Variants in TENM3 observed in about 807,000 individuals in gnomAD.
TENM3 encodes the protein teneurin transmembrane protein 3.
TENM3 carries 63 observed loss-of-function variants against 255.1 expected under a neutral mutation model. The ratio of observed to expected loss-of-function variants is 0.25; its 90% confidence interval spans 0.20 to 0.30. The LOEUF (loss-of-function observed/expected upper bound fraction) is 0.30, where lower values mean the gene tolerates loss of function less well. Among genes scored for constraint, TENM3 ranks in the 10% least tolerant of loss-of-function variants. The pLI is 1.00. For synonymous variants in TENM3, 1,306 were observed against 1,322.3 expected (o/e 0.99, Z 0.27); for missense variants, 2,929 against 3,461.1 (o/e 0.85, Z 3.86).
intron 1 of TENM3, among the ~76,000 whole-genome samples, chr4:182,272,110 T>C (rs1024629547): frequency 1.3e-5 from 2 of 152,202 alleles, no homozygotes; most frequent in Non-Finnish European, 2.9e-5. Context: ...TCCACCTACA[T>C]GAGTTCGAGG....
At chr4:182,334,767 T>C (rs145919664) in intron 2 of TENM3, among the ~76,000 whole-genome samples, 307 of 152,326 alleles carry the variant, frequency 2.0e-3, no homozygotes, top group Non-Finnish European at 3.0e-3. Context: ...ATTGGACCCA[T>C]ATCTCTCAGC....
chr4:182,482,654 A>G (rs1243047562), intron 3 of TENM3, among the ~76,000 whole-genome samples: 1 of 152,246 alleles, frequency 6.6e-6, no homozygotes, highest in Non-Finnish European at 1.5e-5. Context: ...ATGTCTACAC[A>G]TAGGCATTGT....
the TENM3 span, among the ~76,000 whole-genome samples, chr4:181,905,145 T>G: frequency 5.3e-5 from 8 of 152,218 alleles, no homozygotes; most frequent in Non-Finnish European, 2.9e-5. Context: ...CTAATACAGA[T>G]AGTACATGCT....
At chr4:181,845,234 CAGG>C in the TENM3 span, among the ~76,000 whole-genome samples, 1 of 151,978 alleles carries the variant, frequency 6.6e-6, no homozygotes, top group Admixed American at 6.6e-5. Flanking sequence ...AATATTTTAA[CAGG>C]AGTATTTGAT....
At chr4:182,454,667 G>A (rs62337162) in intron 3 of TENM3, among the ~76,000 whole-genome samples, 2,906 of 152,206 alleles carry the variant, frequency 0.019, 42 homozygotes, top group Middle Eastern at 0.048. Flanking sequence ...CTTCCATTAC[G>A]AAATTAAAAC....
At chr4:181,806,217 T>C in the TENM3 span, among the ~76,000 whole-genome samples, 1 of 152,216 alleles carries the variant, frequency 6.6e-6, no homozygotes, top group Non-Finnish European at 1.5e-5. Flanking sequence ...GAAATTCCTA[T>C]ACCTGCTCAT....
At chr4:181,813,941 G>A in the TENM3 span, among the ~76,000 whole-genome samples, 1 of 152,000 alleles carries the variant, frequency 6.6e-6, no homozygotes, top group African/African-American at 2.4e-5. Flanking sequence ...AGAAAAAATG[G>A]GAGAAGAAAA....
chr4:181,466,455 C>T, the TENM3 span, among the ~76,000 whole-genome samples: 1 of 152,008 alleles, frequency 6.6e-6, no homozygotes, highest in Non-Finnish European at 1.5e-5. Context: ...AAACTATATG[C>T]CACAGTGTGA....
At chr4:182,766,191 C>T (rs145268012) in intron 22 of TENM3, among the ~76,000 whole-genome samples, 1 of 152,196 alleles carries the variant, frequency 6.6e-6, no homozygotes, top group African/African-American at 2.4e-5. Context: ...CCTCTGAGCA[C>T]TTCCAGACCC....
intron 1 of TENM3, among the ~76,000 whole-genome samples, chr4:182,264,421 T>A (rs960508033): frequency 4.6e-5 from 7 of 152,258 alleles, no homozygotes; most frequent in African/African-American, 1.7e-4. Context: ...TCTCTTGGTC[T>A]CTGCCTTCCA....
chr4:182,031,178 T>C, the TENM3 span, among the ~76,000 whole-genome samples: 43 of 152,318 alleles, frequency 2.8e-4, 1 homozygote, highest in South Asian at 7.0e-3. Flanking sequence ...AGGATTTTTA[T>C]AGTTTTGGGT....
the TENM3 span, among the ~76,000 whole-genome samples, chr4:181,804,001 TAAGG>T: frequency 8.6e-5 from 7 of 81,084 alleles, no homozygotes; most frequent in Non-Finnish European, 1.8e-4. Flanking sequence ...AAGAGAAAGA[TAAGG>T]AAGGAAGGAG....
chr4:181,479,633 A>G, the TENM3 span, among the ~76,000 whole-genome samples: 1 of 152,036 alleles, frequency 6.6e-6, no homozygotes, highest in East Asian at 1.9e-4. Context: ...TTATAGCTTT[A>G]TATCAAAAAA....
intron 3 of TENM3, among the ~76,000 whole-genome samples, chr4:182,349,014 C>T (rs1765007769): frequency 6.6e-6 from 1 of 152,074 alleles, no homozygotes; most frequent in Admixed American, 6.5e-5. Flanking sequence ...TTAATTTCTC[C>T]AAGTAGTGGC....
At chr4:182,584,740 A>G (rs766671566) in intron 3 of TENM3, among the ~76,000 whole-genome samples, 1 of 152,036 alleles carries the variant, frequency 6.6e-6, no homozygotes, top group African/African-American at 2.4e-5. Flanking sequence ...CCCTGGTTCA[A>G]GTGACTCTCC....
chr4:181,890,896 G>T, the TENM3 span, among the ~76,000 whole-genome samples: 1 of 152,252 alleles, frequency 6.6e-6, no homozygotes, highest in Non-Finnish European at 1.5e-5. Flanking sequence ...TGTTTTCCTG[G>T]ATGCTATTGC....
chr4:182,717,468 G>A (rs966603842), intron 13 of TENM3, among the ~76,000 whole-genome samples: 3 of 152,144 alleles, frequency 2.0e-5, no homozygotes, highest in Non-Finnish European at 2.9e-5. Context: ...TCTGTTACCC[G>A]TAATAAGGGC....
chr4:181,622,551 G>C, the TENM3 span, among the ~76,000 whole-genome samples: 17,883 of 151,916 alleles, frequency 0.12, 1,122 homozygotes, highest in South Asian at 0.21. Context: ...TGGCAAGAGC[G>C]TGTAATGTCA....
chr4:182,760,317 C>T (rs184254360), intron 22 of TENM3, among the ~76,000 whole-genome samples: 6 of 152,260 alleles, frequency 3.9e-5, no homozygotes, highest in East Asian at 3.9e-4. Flanking sequence ...GAAAAGAAAC[C>T]GCGGTTCTTA....
Sources: gnomAD v4.1 joint callset for allele counts (sites outside exome capture counted in the v4.1 genomes callset) on GRCh38, gnomAD v4.1.1 for gene constraint, MANE v1.5 for transcripts, NCBI Gene and HGNC (gene_info 2026-07-23, HGNC 2026-07-21) for gene names.